The following AMZ1 variants were observed in gnomAD, a reference collection of about 807,000 sequenced individuals.
The protein encoded by AMZ1 is archaemetzincin-1.
Under a neutral mutation model 29.9 loss-of-function variants are expected in AMZ1, and 39 were observed. The observed-to-expected ratio is 1.30, with a 90% CI of 1.01 to 1.70. The LOEUF (loss-of-function observed/expected upper bound fraction) is 1.70. Ranked by LOEUF, AMZ1 falls within the 40% of genes most tolerant of loss-of-function variation. The pLI is 0.00. For missense variants in AMZ1, 1,041 were observed against 680.6 expected (o/e 1.53, Z -5.89); for synonymous variants, 458 against 304.0 (o/e 1.51, Z -5.27).
chr7:2,733,142 C>T (rs1400671493), intron 4 of AMZ1, among the ~76,000 whole-genome samples: 1 of 152,164 alleles, frequency 6.6e-6, no homozygotes, highest in Admixed American at 6.5e-5. Flanking sequence ...CCTGGGGTTT[C>T]ATTAGACTAT....
At chr7:2,709,044 TGA>T (rs1788562698) in intron 4 of AMZ1, 29 bp from the exon 5 acceptor site, 2 of 1,538,070 alleles carry the variant, frequency 1.3e-6, no homozygotes, top group East Asian at 4.6e-5. Flanking sequence ...GGCTGACCCC[TGA>T]GAGTGCCCTT....
In AMZ1 at chr7:2,712,517, C is replaced by G. The variant is rs770980663; in HGVS notation, c.1136C>G (p.Ser379Trp). 2 of 1,608,272 alleles carry G rather than the reference C, an allele frequency of 1.2e-6. No individual in the cohort carries two copies. Among genetic ancestry groups the G allele is most frequent in the African/African-American group, 2.7e-5 (2 of 74,856 alleles). The change falls in exon 7 of 7, where the codon TCG becomes TGG. Residue 379 changes from serine (S) to tryptophan (W), a missense_variant. By Grantham distance (177) the Ser-to-Trp change is radical. Transcript: ENST00000683327. ...GATGCCGGGAGTCACACCTTCGCCT[C>G]GGGGCCAGAGGAAGGGCTGAGCTAC... ...TPDAGSHTFA[S>W]GPEEGLSYLA... is the part of the protein sequence containing the mutation.
chr7:2,728,568 G>A (rs1343681074), intron 4 of AMZ1: 3 of 152,464 alleles, frequency 2.0e-5, no homozygotes, highest in African/African-American at 4.8e-5. Context: ...CTTATTTTGA[G>A]GAACTTTATT....
At chr7:2,682,945 G>T (rs1027576472) in intron 1 of AMZ1, among the ~76,000 whole-genome samples, 1 of 152,202 alleles carries the variant, frequency 6.6e-6, no homozygotes, top group African/African-American at 2.4e-5. Context: ...GCCAGCCTCA[G>T]AGCCGTCCTC....
chr7:2,696,085 G>T (rs1787705986), intron 1 of AMZ1, among the ~76,000 whole-genome samples: 1 of 150,226 alleles, frequency 6.7e-6, no homozygotes, highest in African/African-American at 2.5e-5. Flanking sequence ...AACCCCCCTC[G>T]CCCCGCCCCC....
At chr7:2,689,547 G>A (rs1787263649) in intron 1 of AMZ1, among the ~76,000 whole-genome samples, 1 of 152,212 alleles carries the variant, frequency 6.6e-6, no homozygotes, top group African/African-American at 2.4e-5. Flanking sequence ...CCTGCTCCAG[G>A]AGCAGCTGGG....
intron 1 of AMZ1, among the ~76,000 whole-genome samples, chr7:2,690,689 C>T (rs947628544): frequency 5.9e-5 from 9 of 152,136 alleles, no homozygotes; most frequent in Non-Finnish European, 1.2e-4. Flanking sequence ...CTCCTCTGTG[C>T]GTGTGCTCTG....
chr7:2,731,640 G>A lies in AMZ1; in HGVS notation n.550+21824G>A, dbSNP rs751429360. 14 of 1,613,390 alleles carry A rather than the reference G, an allele frequency of 8.7e-6. No homozygotes were observed. Among genetic ancestry groups the A allele is most frequent in the Non-Finnish European group, 1.0e-5 (12 of 1,179,802 alleles). ...ACTTCTGGCGCTGGGACCGCTGGCCGCCCACATCCACCATCTTAAAGGGGA... is the reference window on the plus strand; with the variant it reads ...ACTTCTGGCGCTGGGACCGCTGGCCACCCACATCCACCATCTTAAAGGGGA... On this transcript the variant is annotated intron_variant and non_coding_transcript_variant, in intron 4 of 4. Transcript: ENST00000489665. The surrounding 1 kb of genome is among the most constrained non-coding windows in gnomAD (Gnocchi z 6.0).
chr7:2,736,864 C>A (rs928447086), intron 4 of AMZ1, among the ~76,000 whole-genome samples: 1 of 152,234 alleles, frequency 6.6e-6, no homozygotes, highest in African/African-American at 2.4e-5. Flanking sequence ...GCTGGCCTCA[C>A]GCACTTCCTT....
upstream of AMZ1, among the ~76,000 whole-genome samples, chr7:2,685,015 G>A (rs371202898): frequency 1.3e-3 from 192 of 151,726 alleles, 2 homozygotes; most frequent in South Asian, 9.2e-3. Context: ...GACTACAGGC[G>A]CCCGCCACCA....
At chr7:2,682,409 T>C (rs911762299) in intron 1 of AMZ1, among the ~76,000 whole-genome samples, 1 of 152,156 alleles carries the variant, frequency 6.6e-6, no homozygotes, top group African/African-American at 2.4e-5. Context: ...CTCAGGCCGA[T>C]GCGAGGGTCC....
Position 2,718,785 on chromosome 7 carries a change from G to A in AMZ1, c.*5907G>A, listed in dbSNP as rs545740083. Among the ~76,000 whole-genome samples the A allele has an allele frequency of 2.0e-5, 3 of 152,162 alleles. No homozygotes were observed. The highest frequency in any genetic ancestry group is 6.5e-5 in the Admixed American group (1 of 15,276). ...GGCAGGCCAGGGCCGAGCTGCGTCC[G>A]GCTCTCAGGGACTTCCTCTCCCTGT... On this transcript the variant is annotated 3_prime_UTR_variant, in exon 7 of 7. Transcript: ENST00000683327.
At chr7:2,726,720 G>A (rs757245892) in intron 4 of AMZ1, among the ~76,000 whole-genome samples, 17 of 152,260 alleles carry the variant, frequency 1.1e-4, no homozygotes, top group Non-Finnish European at 2.2e-4. Flanking sequence ...CCAGAAAGCT[G>A]CTTGTTTGGG....
At chr7:2,691,619 C>T (rs1179017656) in intron 1 of AMZ1, among the ~76,000 whole-genome samples, 1 of 140,960 alleles carries the variant, frequency 7.1e-6, no homozygotes, top group Non-Finnish European at 1.5e-5. Context: ...TGAGCGCCTG[C>T]AGTCCCAGCT....
At chr7:2,689,482 A>G (rs2115043551) in intron 1 of AMZ1, among the ~76,000 whole-genome samples, 1 of 152,294 alleles carries the variant, frequency 6.6e-6, no homozygotes, top group African/African-American at 2.4e-5. Context: ...GCAGGGCTGG[A>G]ACTCGGGTGC....
chr7:2,685,083 A>T (rs1038745109), upstream of AMZ1, among the ~76,000 whole-genome samples: 1 of 151,396 alleles, frequency 6.6e-6, no homozygotes, highest in Non-Finnish European at 1.5e-5. Flanking sequence ...GTTAGCCAGG[A>T]TGGTCTTGAT....
At chr7:2,701,382 ACC>A (rs1473616602) in intron 2 of AMZ1, among the ~76,000 whole-genome samples, 11 of 151,994 alleles carry the variant, frequency 7.2e-5, no homozygotes, top group Non-Finnish European at 1.2e-4. Flanking sequence ...GTTCTATTTG[ACC>A]CTGGGGCTGG....
At position 2,717,707 on chromosome 7, in the gene AMZ1, G is replaced by A. The variant is rs913504471; in HGVS notation, c.*4829G>A. On this transcript the variant is annotated 3_prime_UTR_variant, in exon 7 of 7. Transcript: ENST00000683327. ...ACGCTGTTAAAAACAGATGCAGATC[G>A]CGGGTGGAGACGGCCGGCCGAGCCT... 6.6e-6 allele frequency among the ~76,000 whole-genome samples: 1 copy of A among 152,170 alleles called. No homozygotes were observed. Among genetic ancestry groups the A allele is most frequent in the African/African-American group, 2.4e-5 (1 of 41,430 alleles).
chr7:2,689,363 A>T (rs1416079055), intron 1 of AMZ1, among the ~76,000 whole-genome samples: 1 of 140,884 alleles, frequency 7.1e-6, no homozygotes, highest in African/African-American at 2.5e-5. Flanking sequence ...GAGCGGCAGA[A>T]CCTCCCTGGG....
Sources: gnomAD v4.1 joint callset for allele counts (sites outside exome capture counted in the v4.1 genomes callset) on GRCh38, gnomAD v4.1.1 for gene constraint, Gnocchi (gnomAD v3.1) non-coding constraint, MANE v1.5 for transcripts, NCBI Gene and HGNC (gene_info 2026-07-23, HGNC 2026-07-21) for gene names.